The following SRBD1 variants were observed in gnomAD, a reference collection of about 807,000 sequenced individuals.
The protein encoded by SRBD1 is S1 RNA-binding domain-containing protein 1.
Under a neutral mutation model 115.3 loss-of-function variants are expected in SRBD1, and 88 were observed. The observed-to-expected ratio is 0.76, with a 90% confidence interval of 0.64 to 0.91. SRBD1 has a LOEUF of 0.91. Among genes scored for constraint, SRBD1 ranks in the 40% least tolerant of loss-of-function variants. The pLI, the probability that SRBD1 is intolerant of heterozygous loss-of-function variation, is 0.00. For synonymous variants in SRBD1, 509 were observed against 407.7 expected, an observed-to-expected ratio of 1.25 and a Z score of -2.99; for missense variants, 1,385 against 1,177.4, an observed-to-expected ratio of 1.18 and a Z score of -2.58.
chr2:45,511,550 G>A (rs1017219769), intron 14 of SRBD1, among the ~76,000 whole-genome samples: 2 of 152,162 alleles, frequency 1.3e-5, no homozygotes, highest in African/African-American at 4.8e-5. Flanking sequence ...GTTTACATGA[G>A]GCAGGTACTT....
intron 14 of SRBD1, among the ~76,000 whole-genome samples, chr2:45,499,050 A>C (rs535467429): frequency 6.6e-6 from 1 of 152,056 alleles, no homozygotes; most frequent in Admixed American, 6.5e-5. Context: ...TTCTATTTTT[A>C]GTTTTTTTTA....
chr2:45,438,291 A>C (rs144782606), intron 16 of SRBD1, among the ~76,000 whole-genome samples: 4 of 152,356 alleles, frequency 2.6e-5, no homozygotes, highest in African/African-American at 4.8e-5. Flanking sequence ...AAGACAACAA[A>C]ATTTGTATTT....
rs548778446 is a variant in SRBD1 at position 45,481,428 on chromosome 2, G to T, written c.1967-4353C>A. ...GAGTCTAATGAATTGCTGATAAAGA[G>T]AATTAAGAGAGAGGAAGAGTTATGG... On this transcript the variant is annotated intron_variant, in intron 15 of 20. Coordinates refer to ENST00000263736, the MANE Select transcript of SRBD1 (RefSeq NM_018079.5). Among the ~76,000 whole-genome samples the T allele has an allele frequency of 1.3e-3, 192 of 152,194 alleles. 1 individual carries two copies. The highest frequency in any genetic ancestry group is 4.6e-3 in the African/African-American group (189 of 41,536).
At chr2:45,603,720 G>C (rs925235685) in intron 2 of SRBD1, among the ~76,000 whole-genome samples, 1 of 151,904 alleles carries the variant, frequency 6.6e-6, no homozygotes, top group African/African-American at 2.4e-5. Flanking sequence ...AGTAGAGCCG[G>C]GTTTCACTAT....
At chr2:45,602,945 G>C (rs773644910) in intron 2 of SRBD1, among the ~76,000 whole-genome samples, 4 of 152,152 alleles carry the variant, frequency 2.6e-5, no homozygotes, top group Non-Finnish European at 5.9e-5. Flanking sequence ...AACTACTGGT[G>C]TTCTCTTCAG....
intron 5 of SRBD1, 101 bp downstream of exon 5, chr2:45,585,507 C>A: frequency 7.6e-7 from 1 of 1,312,374 alleles, no homozygotes; most frequent in Non-Finnish European, 1.0e-6. Flanking sequence ...TTCAAGGAAA[C>A]AAAATGTTGA....
chr2:45,417,732 T>C (rs765382747), intron 18 of SRBD1, among the ~76,000 whole-genome samples: 1 of 152,230 alleles, frequency 6.6e-6, no homozygotes, highest in Non-Finnish European at 1.5e-5. Context: ...TGATAATCAA[T>C]GCTTTGGTCC....
intron 4 of SRBD1, among the ~76,000 whole-genome samples, chr2:45,590,359 G>T (rs560397955): frequency 1.3e-5 from 2 of 152,204 alleles, no homozygotes; most frequent in South Asian, 4.2e-4. Context: ...TCCTGCCTGG[G>T]GACTAGACTC....
At chr2:45,413,447 G>A (rs1479928568) in intron 18 of SRBD1, among the ~76,000 whole-genome samples, 154 bp from the exon 19 acceptor site, 2 of 152,124 alleles carry the variant, frequency 1.3e-5, no homozygotes, top group Non-Finnish European at 2.9e-5. Context: ...CCACTTATTT[G>A]TTTAAATCAC....
chr2:45,408,648 T>C lies in SRBD1; in HGVS notation c.2513+4466A>G, dbSNP rs1032530964. On this transcript the variant is annotated intron_variant, in intron 19 of 20. Transcript: ENST00000263736. ...CATTGCTGATGACATTATAAATCAGTGTGTTACTTGGTGATGTATTTCAAG... is the reference window on the plus strand; with the variant it reads ...CATTGCTGATGACATTATAAATCAGCGTGTTACTTGGTGATGTATTTCAAG... Among the ~76,000 whole-genome samples the C allele has an allele frequency of 5.9e-5, 9 of 152,212 alleles. No individual in the cohort carries two copies. In the South Asian group the frequency reaches 1.0e-3, roughly 18 times the overall value.
chr2:45,511,998 C>T (rs763014475), intron 14 of SRBD1, among the ~76,000 whole-genome samples: 1 of 152,208 alleles, frequency 6.6e-6, no homozygotes, highest in Non-Finnish European at 1.5e-5. Flanking sequence ...TTGAGACACA[C>T]AGCATGGCTA....
intron 14 of SRBD1, among the ~76,000 whole-genome samples, chr2:45,517,223 G>A (rs1029904754): frequency 4.6e-5 from 7 of 152,020 alleles, no homozygotes; most frequent in African/African-American, 1.7e-4. Flanking sequence ...TCTTCCTATT[G>A]TTTTCTATGT....
chr2:45,456,720 G>A (rs1558407520), intron 16 of SRBD1, among the ~76,000 whole-genome samples: 2 of 151,812 alleles, frequency 1.3e-5, no homozygotes, highest in Non-Finnish European at 2.9e-5. Context: ...CCAGCATGCT[G>A]AAGAAAAATA....
At chr2:45,497,484 T>C (rs1204679814) in intron 14 of SRBD1, among the ~76,000 whole-genome samples, 1 of 152,146 alleles carries the variant, frequency 6.6e-6, no homozygotes, top group Non-Finnish European at 1.5e-5. Flanking sequence ...TACATCAGAA[T>C]TAGCTGGAGG....
chr2:45,537,625 T>TG (rs971490084), intron 14 of SRBD1, among the ~76,000 whole-genome samples: 4 of 152,102 alleles, frequency 2.6e-5, no homozygotes, highest in Admixed American at 6.5e-5. Context: ...GGGTGTGTTT[T>TG]GGGGGGAGGG....
chr2:45,521,159 G>A (rs933016020), intron 14 of SRBD1, among the ~76,000 whole-genome samples: 18 of 152,116 alleles, frequency 1.2e-4, no homozygotes, highest in Middle Eastern at 6.8e-3. Flanking sequence ...GGGAGTCAGG[G>A]AAGTCTCCCG....
chr2:45,586,637 G>A (rs899765055), intron 4 of SRBD1, among the ~76,000 whole-genome samples: 4 of 151,272 alleles, frequency 2.6e-5, no homozygotes, highest in South Asian at 4.2e-4. Context: ...CCTTGAACTC[G>A]CAGGCTCAAC....
At chr2:45,429,536 A>C (rs539247667) in intron 16 of SRBD1, among the ~76,000 whole-genome samples, 1 of 152,310 alleles carries the variant, frequency 6.6e-6, no homozygotes, top group African/African-American at 2.4e-5. Context: ...AGAACCAATA[A>C]CAAAAACTAC....
At chr2:45,595,735 T>A (rs886469115) in intron 4 of SRBD1, among the ~76,000 whole-genome samples, 5 of 152,170 alleles carry the variant, frequency 3.3e-5, no homozygotes, top group African/African-American at 1.2e-4. Context: ...ACCACAATAA[T>A]TGTCTGTAAA....
Sources: gnomAD v4.1 joint callset for allele counts (sites outside exome capture counted in the v4.1 genomes callset) on GRCh38, gnomAD v4.1.1 for gene constraint, MANE v1.5 for transcripts, NCBI Gene and HGNC (gene_info 2026-07-23, HGNC 2026-07-21) for gene names.